HOOK3: variants seen among roughly 807,000 people sequenced by gnomAD.
HOOK3 encodes the protein protein Hook homolog 3.
Under a neutral mutation model 116.3 loss-of-function variants are expected in HOOK3, and 24 were observed. That is an observed-to-expected ratio of 0.21 (90% CI 0.15 to 0.29). The LOEUF (loss-of-function observed/expected upper bound fraction) is 0.29, where lower values mean the gene tolerates loss of function less well. Among genes scored for constraint, HOOK3 ranks in the 10% least tolerant of loss-of-function variants. The probability of loss-of-function intolerance (pLI) is 1.00; values close to 1 mark genes in which losing one functional copy is unlikely to be tolerated. For missense variants in HOOK3, 632 were observed against 830.2 expected (o/e 0.76, Z 2.93); for synonymous variants, 275 against 283.0 (o/e 0.97, Z 0.28).
chr8:42,897,061 C>T lies in HOOK3; in HGVS notation c.-71C>T. On this transcript the variant is annotated 5_prime_UTR_variant, in exon 1 of 22. Transcript: ENST00000307602. Reference sequence around the variant, plus strand: ...TGAGGCCGAGTCAGCTGCGCGGGCCCCCGGATCCCCCGACAGAGCGGCGGC... The same window carrying T: ...TGAGGCCGAGTCAGCTGCGCGGGCCTCCGGATCCCCCGACAGAGCGGCGGC... The T allele has an allele frequency of 1.7e-6, 2 of 1,170,708 alleles. No homozygotes were observed. Among genetic ancestry groups the T allele is most frequent in the Non-Finnish European group, 2.2e-6 (2 of 927,150 alleles). 72.5% of individuals were successfully genotyped at this position (1,170,708 alleles called of 1,614,324 possible).
chr8:42,947,562 A>G (rs1401776047), intron 5 of HOOK3, among the ~76,000 whole-genome samples: 1 of 152,242 alleles, frequency 6.6e-6, no homozygotes, highest in Non-Finnish European at 1.5e-5. Context: ...CCAAAATTGT[A>G]TAAATGATGG....
chr8:42,972,889 T>C (rs939440941), intron 11 of HOOK3, among the ~76,000 whole-genome samples: 1 of 152,214 alleles, frequency 6.6e-6, no homozygotes, highest in African/African-American at 2.4e-5. Flanking sequence ...ACCCAGAGCA[T>C]CTGCATGAAC....
chr8:42,963,161 ATTCT>A (rs1258288657), intron 8 of HOOK3, among the ~76,000 whole-genome samples: 4 of 151,938 alleles, frequency 2.6e-5, no homozygotes, highest in African/African-American at 7.3e-5. Flanking sequence ...TAAATTGTTA[ATTCT>A]TTCTTATTGC....
At chr8:43,000,254 C>A in intron 16 of HOOK3, 1 of 1,284,504 alleles carries the variant, frequency 7.8e-7, no homozygotes, top group South Asian at 1.2e-5. Flanking sequence ...TGTCTCTTGG[C>A]ATGGTTTCTG....
chr8:42,908,165 G>A (rs1390765601), intron 2 of HOOK3, among the ~76,000 whole-genome samples: 2 of 152,158 alleles, frequency 1.3e-5, no homozygotes. Context: ...GATGAAAGAA[G>A]TTGAAGTCTG....
chr8:42,996,819 G>C (rs1809277957), intron 15 of HOOK3, among the ~76,000 whole-genome samples: 1 of 145,224 alleles, frequency 6.9e-6, no homozygotes, highest in Non-Finnish European at 1.5e-5. Context: ...CTACTTTGAA[G>C]TTTTTATCTG....
At chr8:43,006,593 G>A (rs1030730842) in intron 17 of HOOK3, among the ~76,000 whole-genome samples, 2 of 152,186 alleles carry the variant, frequency 1.3e-5, no homozygotes, top group African/African-American at 4.8e-5. Context: ...AAAGTGCTAG[G>A]ATTACAGGCA....
chr8:42,951,972 A>G (rs1296551253), intron 6 of HOOK3, among the ~76,000 whole-genome samples: 1 of 152,182 alleles, frequency 6.6e-6, no homozygotes, highest in Non-Finnish European at 1.5e-5. Flanking sequence ...GAAAAACATG[A>G]AAAATATTCA....
chr8:42,940,263 C>T lies in HOOK3; in HGVS notation c.268-3050C>T, dbSNP rs571675017. ...GGGAGGCCGAGGCTGGCGGATCACT[C>T]GCGGCTAGGAGCTGGAGACCAGCCC... On this transcript the variant is annotated intron_variant, in intron 4 of 21. Transcript: ENST00000307602. Among the ~76,000 whole-genome samples, 41 of 152,366 alleles carry T rather than the reference C, an allele frequency of 2.7e-4. 1 individual carries two copies. The highest frequency in any genetic ancestry group is 8.7e-4 in the African/African-American group (36 of 41,588).
chr8:42,995,052 G>A (rs1170488643), intron 15 of HOOK3, among the ~76,000 whole-genome samples: 1 of 152,142 alleles, frequency 6.6e-6, no homozygotes, highest in Non-Finnish European at 1.5e-5. Flanking sequence ...TCCCCATATT[G>A]AATGTGGATT....
At chr8:42,969,985 ATATTT>A (rs919403056) in intron 11 of HOOK3, among the ~76,000 whole-genome samples, 4 of 152,172 alleles carry the variant, frequency 2.6e-5, no homozygotes, top group Non-Finnish European at 4.4e-5. Context: ...TGTACTTTTT[ATATTT>A]TAAGAAATTA....
At chr8:42,993,620 T>C (rs561161207) in intron 15 of HOOK3, among the ~76,000 whole-genome samples, 3 of 152,232 alleles carry the variant, frequency 2.0e-5, no homozygotes, top group Non-Finnish European at 4.4e-5. Context: ...AATTTGCCAG[T>C]GAAGTCATCG....
Position 42,959,068 on chromosome 8 carries a change from A to G in HOOK3, c.532-163A>G, listed in dbSNP as rs539978609. 2.0e-5 allele frequency among the ~76,000 whole-genome samples: 3 copies of G among 152,284 alleles called. No homozygotes were observed. The East Asian group carries it at 5.8e-4, about 29-fold the overall frequency. ...AGTAAAAGAAATTAATTTAAAGTTAAAAGTGCTGTGTTTGTACTCTTCCAC... is the reference window on the plus strand; with the variant it reads ...AGTAAAAGAAATTAATTTAAAGTTAGAAGTGCTGTGTTTGTACTCTTCCAC... On this transcript the variant is annotated intron_variant, in intron 7 of 21. Coordinates refer to ENST00000307602, the MANE Select transcript of HOOK3 (RefSeq NM_032410.4).
At chr8:42,963,098 A>G (rs2194902) in intron 8 of HOOK3, among the ~76,000 whole-genome samples, 7,379 of 152,042 alleles carry the variant, frequency 0.049, 364 homozygotes, top group African/African-American at 0.12. Context: ...TGCTGCACCC[A>G]GCCTTTTGTC....
rs1213658544 is a variant in HOOK3 at position 42,918,520 on chromosome 8, A to G, written c.144-7037A>G. Among the ~76,000 whole-genome samples, 168 of 152,180 alleles carry G rather than the reference A, an allele frequency of 1.1e-3. 1 individual carries two copies. The highest frequency in any genetic ancestry group is 2.4e-4 in the Non-Finnish European group (16 of 67,990). ...TAGGACAAAAGTGGAGGGAAGGTCA[A>G]CAGATAAACATGTGAACAAAGGTCT... On this transcript the variant is annotated intron_variant, in intron 2 of 21. Transcript: ENST00000307602.
chr8:42,973,375 T>G lies in HOOK3; in HGVS notation c.1209T>G (p.Val403=), dbSNP rs763738399. The change falls in exon 12 of 22, where the codon GTT becomes GTG. Residue 403 remains valine (V), a synonymous_variant. Transcript: ENST00000307602. The stretch of plus-strand genomic sequence containing the variant: ...AATATAAGCGGCTAAAAGAAAAAGT[T>G]GACAGTCTTCAAAAAGAAAAGGACG... ...DFEYKRLKEK[V]DSLQKEKDRL... 9 of 1,612,332 alleles carry G rather than the reference T, an allele frequency of 5.6e-6. No individual in the cohort carries two copies. The highest frequency in any genetic ancestry group is 6.8e-6 in the Non-Finnish European group (8 of 1,179,352).
chr8:43,014,343 T>C (rs1279912218), intron 21 of HOOK3, among the ~76,000 whole-genome samples: 1 of 150,950 alleles, frequency 6.6e-6, no homozygotes, highest in African/African-American at 2.4e-5. Context: ...AGATTCCATT[T>C]ATTTATTTAT....
chr8:43,024,012 C>T lies in HOOK3; in HGVS notation c.*5514C>T, dbSNP rs1423074773. 2 of 203,374 alleles carry T rather than the reference C, an allele frequency of 9.8e-6. No individual in the cohort carries two copies. The highest frequency in any genetic ancestry group is 4.6e-5 in the African/African-American group (2 of 43,616). The allele number at this position is 203,374 out of a possible 1,614,324, so 12.6% of individuals were successfully genotyped here. A position where few individuals can be genotyped will look rare whatever the true frequency, so the allele number is the denominator to read the frequency against. ...ATCTAGATCTCTGAGTCCAGGATAA[C>T]TCCAGTTATCCCCAGTTGGATCATG... On this transcript the variant is annotated 3_prime_UTR_variant, in exon 22 of 22. Transcript: ENST00000307602.
At chr8:42,985,632 A>T (rs933250396) in intron 14 of HOOK3, among the ~76,000 whole-genome samples, 5 of 151,958 alleles carry the variant, frequency 3.3e-5, no homozygotes, top group Admixed American at 2.6e-4. Flanking sequence ...TATACGGTCC[A>T]TGTTGCCCAT....
Sources: allele counts gnomAD v4.1 joint callset (sites outside exome capture counted in the v4.1 genomes callset), GRCh38; gene constraint gnomAD v4.1.1; transcripts MANE v1.5; gene names NCBI Gene and HGNC (gene_info 2026-07-23, HGNC 2026-07-21).